The following DPP6 variants were observed in gnomAD, a reference collection of about 807,000 sequenced individuals.
The protein encoded by DPP6 is dipeptidyl peptidase like 6.
Under a neutral mutation model 122.6 loss-of-function variants are expected in DPP6, and 69 were observed. That is an observed-to-expected ratio of 0.56 (90% CI 0.46 to 0.69). The LOEUF is 0.69. DPP6 is among the 30% of genes least tolerant of loss of function. The probability of loss-of-function intolerance (pLI) is 0.00; values close to 1 mark genes in which losing one functional copy is unlikely to be tolerated. For synonymous variants in DPP6, 418 were observed against 433.1 expected (o/e 0.97, Z 0.43); for missense variants, 928 against 1,116.9 (o/e 0.83, Z 2.41).
rs369459411 is a variant in DPP6, at chr7:154,769,481, C to T, written c.948C>T (p.Ala316=). ...CGGATGGCACGAGACTCGCCTACGC[C>T]GCCATCAATGATTCCCGTGTCCCCA... is the stretch of plus-strand genomic sequence containing the variant. ...WSPDGTRLAY[A]AINDSRVPIM... Residue 316 remains alanine, a synonymous_variant, in exon 9 of 26, where the codon GCC becomes GCT. Coordinates refer to ENST00000377770, the MANE Select transcript of DPP6 (RefSeq NM_130797.4). 204 of 1,613,750 alleles carry T rather than the reference C, an allele frequency of 1.3e-4. 1 individual carries two copies. Among genetic ancestry groups the T allele is most frequent in the African/African-American group, 8.7e-4 (65 of 75,016 alleles).
chr7:154,087,228 A>G (rs960873921), intron 1 of DPP6, among the ~76,000 whole-genome samples: 1 of 151,894 alleles, frequency 6.6e-6, no homozygotes, highest in Admixed American at 6.6e-5. Context: ...GCTGGCACAC[A>G]AGGAAGGGAA....
intron 1 of DPP6, chr7:154,058,608 T>G (rs928190303): frequency 3.4e-5 from 5 of 147,682 alleles, no homozygotes; most frequent in Admixed American, 1.3e-4. Context: ...CAGACCCTCT[T>G]CCCCCCCCAG....
intron 1 of DPP6, among the ~76,000 whole-genome samples, chr7:154,162,314 A>G (rs972844646): frequency 1.3e-5 from 2 of 152,184 alleles, no homozygotes; most frequent in Admixed American, 6.5e-5. Flanking sequence ...TGTCTTGGGA[A>G]TGGGAACCAA....
intron 1 of DPP6, among the ~76,000 whole-genome samples, chr7:153,891,115 G>A (rs1252897442): frequency 1.4e-5 from 2 of 147,076 alleles, no homozygotes; most frequent in African/African-American, 2.5e-5. Flanking sequence ...TCCGCCTCCC[G>A]GGTTCATGCC....
chr7:154,146,315 G>A (rs1179669261), intron 1 of DPP6, among the ~76,000 whole-genome samples: 1 of 101,776 alleles, frequency 9.8e-6, no homozygotes, highest in Non-Finnish European at 2.4e-5. Flanking sequence ...GTGGTTCAGG[G>A]GCCAACTGAA....
intron 1 of DPP6, among the ~76,000 whole-genome samples, chr7:154,306,200 G>A (rs917327042): frequency 2.0e-5 from 3 of 152,194 alleles, no homozygotes; most frequent in African/African-American, 7.2e-5. Context: ...AAGGCTGCGT[G>A]GGTCCCACAT....
intron 1 of DPP6, among the ~76,000 whole-genome samples, chr7:153,903,405 G>A (rs899765316): frequency 6.6e-6 from 1 of 152,160 alleles, no homozygotes; most frequent in Non-Finnish European, 1.5e-5. Context: ...ATCTCACAAA[G>A]CCCTCTGACA....
At chr7:154,801,664 C>T (rs1051064880) in intron 13 of DPP6, among the ~76,000 whole-genome samples, 8 of 152,292 alleles carry the variant, frequency 5.3e-5, no homozygotes, top group South Asian at 2.1e-4. Context: ...TATCTGGTCA[C>T]GTGCGAGAAT....
chr7:154,304,431 C>G (rs371221644), intron 1 of DPP6, among the ~76,000 whole-genome samples: 4 of 152,206 alleles, frequency 2.6e-5, no homozygotes, highest in South Asian at 4.1e-4. Context: ...GGTCAGGACA[C>G]GACAGCAGCC....
the DPP6 span, among the ~76,000 whole-genome samples, chr7:153,847,459 A>G: frequency 6.6e-6 from 1 of 152,202 alleles, no homozygotes; most frequent in Non-Finnish European, 1.5e-5. Flanking sequence ...TTCTTTGCAT[A>G]TATAGCATTT....
intron 1 of DPP6, among the ~76,000 whole-genome samples, chr7:154,152,060 A>C (rs2150687933): frequency 6.6e-6 from 1 of 151,146 alleles, no homozygotes; most frequent in African/African-American, 2.4e-5. Flanking sequence ...CTCCACAGAA[A>C]CCACACTGTT....
intron 1 of DPP6, among the ~76,000 whole-genome samples, chr7:154,042,328 G>C (rs1422064351): frequency 6.6e-6 from 1 of 152,096 alleles, no homozygotes; most frequent in African/African-American, 2.4e-5. Flanking sequence ...TGCAGCACGG[G>C]GGCAACCAAT....
chr7:153,753,880 C>T, the DPP6 span, among the ~76,000 whole-genome samples: 1 of 152,126 alleles, frequency 6.6e-6, no homozygotes, highest in Non-Finnish European at 1.5e-5. Flanking sequence ...CCTTATTCAT[C>T]ATTTGGCACC....
At chr7:154,522,274 T>G (rs1040442041) in intron 3 of DPP6, among the ~76,000 whole-genome samples, 2 of 152,162 alleles carry the variant, frequency 1.3e-5, no homozygotes, top group African/African-American at 4.8e-5. Flanking sequence ...ACGCCTGGCC[T>G]CATTCTTATT....
the DPP6 span, among the ~76,000 whole-genome samples, chr7:153,873,404 C>T: frequency 1.1e-4 from 17 of 152,208 alleles, 1 homozygote; most frequent in Admixed American, 9.8e-4. Flanking sequence ...TATTTGGCCA[C>T]TTAAAACTAC....
intron 11 of DPP6, 38 bp from the exon 12 acceptor site, chr7:154,795,796 AGAAAAGAAAAG>A (rs746499443): frequency 2.8e-6 from 2 of 705,560 alleles, no homozygotes; most frequent in South Asian, 8.9e-5. Context: ...AAAAAAAAAA[AGAAAAGAAAAG>A]AAAAACCCTC....
At chr7:154,781,944 T>G (rs982239197) in intron 10 of DPP6, among the ~76,000 whole-genome samples, 1 of 152,234 alleles carries the variant, frequency 6.6e-6, no homozygotes, top group African/African-American at 2.4e-5. Flanking sequence ...ACAAATGGAC[T>G]AATAAAAAAT....
chr7:153,996,237 C>G (rs1312524856), intron 1 of DPP6, among the ~76,000 whole-genome samples: 1 of 152,056 alleles, frequency 6.6e-6, no homozygotes, highest in Non-Finnish European at 1.5e-5. Context: ...TTTTATTTCA[C>G]GTAGTATTGG....
chr7:154,568,501 G>T (rs944815940), intron 5 of DPP6, among the ~76,000 whole-genome samples: 1 of 152,204 alleles, frequency 6.6e-6, no homozygotes, highest in Non-Finnish European at 1.5e-5. Context: ...GTGACAGAGG[G>T]GTTCCCGCAG....
Sources: gnomAD v4.1 joint callset for allele counts (sites outside exome capture counted in the v4.1 genomes callset) on GRCh38, gnomAD v4.1.1 for gene constraint, MANE v1.5 for transcripts, NCBI Gene and HGNC (gene_info 2026-07-23, HGNC 2026-07-21) for gene names.